The following SLIT3 variants were observed in gnomAD, a reference collection of about 807,000 sequenced individuals.
SLIT3 encodes slit homolog 3 protein.
A neutral mutation model predicts 184.0 loss-of-function variants in SLIT3; 68 were observed. The ratio of observed to expected loss-of-function variants is 0.37; its 90% CI spans 0.30 to 0.45. The LOEUF (loss-of-function observed/expected upper bound fraction) is 0.45. SLIT3 is among the 20% of genes least tolerant of loss of function. The pLI is 1.00. For synonymous variants in SLIT3, 831 were observed against 828.6 expected (o/e 1.00, Z -0.05); for missense variants, 1,707 against 2,026.0 (o/e 0.84, Z 3.02).
chr5:169,266,037 C>T (rs141956027), intron 1 of SLIT3, among the ~76,000 whole-genome samples: 3 of 152,292 alleles, frequency 2.0e-5, no homozygotes, highest in East Asian at 3.9e-4. Context: ...CTTAAGGCAA[C>T]GTATTCTTTT....
At chr5:169,172,817 T>C (rs1762858133) in intron 4 of SLIT3, among the ~76,000 whole-genome samples, 1 of 152,192 alleles carries the variant, frequency 6.6e-6, no homozygotes, top group African/African-American at 2.4e-5. Flanking sequence ...AAGTAGCTCA[T>C]AGCATGGTGG....
chr5:168,774,338 T>C lies in SLIT3; in HGVS notation c.1192A>G (p.Thr398Ala). 1 of 1,613,988 alleles carries C rather than the reference T, an allele frequency of 6.2e-7. No homozygotes were observed. Among genetic ancestry groups the C allele is most frequent in the South Asian group, 1.1e-5 (1 of 91,052 alleles). The change falls in exon 13 of 36, where the codon ACG becomes GCG. Residue 398 changes from threonine to alanine, a missense_variant. Thr to Ala is a moderately conservative substitution (Grantham distance 58). Transcript: ENST00000519560. Reference sequence around the variant, plus strand: ...TTGAGGTTCTGCAGGTCCTGAAACGTGTTCACCCGCAGGCAGTTGATCTTG... The same window carrying C: ...TTGAGGTTCTGCAGGTCCTGAAACGCGTTCACCCGCAGGCAGTTGATCTTG... ...ANKINCLRVNTFQDLQNLNLL... is the reference protein window; with the variant it reads ...ANKINCLRVNAFQDLQNLNLL...
At chr5:169,274,543 G>A (rs565693959) in intron 1 of SLIT3, among the ~76,000 whole-genome samples, 56 of 152,148 alleles carry the variant, frequency 3.7e-4, no homozygotes, top group Admixed American at 2.4e-3. Flanking sequence ...CAAGGGAGCC[G>A]TTCAGTACAT....
In SLIT3 at chr5:168,787,093, T is replaced by C. The variant is rs143730272; in HGVS notation, c.1080-1115A>G. Among the ~76,000 whole-genome samples the C allele has an allele frequency of 4.5e-3, 680 of 152,330 alleles. 2 individuals carry two copies. Among genetic ancestry groups the C allele is most frequent in the Non-Finnish European group, 7.1e-3 (482 of 68,030 alleles). On this transcript the variant is annotated intron_variant, in intron 11 of 35. Coordinates refer to ENST00000519560, the MANE Select transcript of SLIT3 (RefSeq NM_003062.4). ...GACGCCACTGGGAGTGAAGAGTGAA[T>C]GTCTCCATCAGCCTACGGGTGTGTT...
intron 4 of SLIT3, among the ~76,000 whole-genome samples, chr5:168,992,685 CCCCTGCCCCAGT>C (rs1221557781): frequency 1.3e-5 from 2 of 152,202 alleles, no homozygotes; most frequent in African/African-American, 2.4e-5. Context: ...GCCATCTGTC[CCCCTGCCCCAGT>C]CCCTGATGTG....
In SLIT3 at chr5:169,015,965, CACACACACACACACACACACAA is replaced by C. The variant is rs1406319622; in HGVS notation, c.414-132651_414-132630del. On this transcript the variant is annotated intron_variant, in intron 4 of 35. Transcript: ENST00000519560. Reference sequence around the variant, plus strand: ...ACACACACACACACACACACACACACACACACACACACACACACACAACTTTCTGTCTGCCCCCTTGCTCTTC... The same window carrying C: ...ACACACACACACACACACACACACACCTTTCTGTCTGCCCCCTTGCTCTTC... Among the ~76,000 whole-genome samples, 17 of 139,784 alleles carry C rather than the reference CACACACACACACACACACACAA, an allele frequency of 1.2e-4. 1 individual carries two copies. Among genetic ancestry groups the C allele is most frequent in the Admixed American group, 3.3e-4 (4 of 12,158 alleles). 91.7% of individuals were successfully genotyped at this position (139,784 alleles called of 152,430 possible).
rs187791565 is a variant in SLIT3 at position 168,907,184 on chromosome 5, C to T, written c.414-23848G>A. Among the ~76,000 whole-genome samples the T allele has an allele frequency of 2.0e-5, 3 of 152,246 alleles. No homozygotes were observed. In the East Asian group the frequency reaches 5.8e-4, roughly 29 times the overall value. On this transcript the variant is annotated intron_variant, in intron 4 of 35. Transcript: ENST00000519560. ...CTGGGATTTTTTTATACTTTCTCAC[C>T]AGTCTTTTAAGTCTCTGTGCTCCAC...
At chr5:169,280,689 T>C (rs1031047400) in intron 1 of SLIT3, among the ~76,000 whole-genome samples, 17 of 152,104 alleles carry the variant, frequency 1.1e-4, no homozygotes, top group African/African-American at 4.1e-4. Flanking sequence ...GGCTGGAGCA[T>C]CTCGGAATGC....
chr5:169,052,852 C>A (rs1388914811), intron 4 of SLIT3, among the ~76,000 whole-genome samples: 1 of 152,138 alleles, frequency 6.6e-6, no homozygotes, highest in Non-Finnish European at 1.5e-5. Flanking sequence ...TTCAATCGGC[C>A]TTTTCCTGGG....
chr5:168,719,842 G>A (rs901523266), intron 23 of SLIT3: 4 of 152,118 alleles, frequency 2.6e-5, no homozygotes, highest in African/African-American at 9.7e-5. Context: ...GTTGGACTGA[G>A]GTGCTCTAAG....
intron 1 of SLIT3, among the ~76,000 whole-genome samples, chr5:169,291,437 G>A (rs996932920): frequency 2.6e-5 from 4 of 152,192 alleles, no homozygotes; most frequent in African/African-American, 9.7e-5. Flanking sequence ...ACATCCCCAT[G>A]AGATAAAACT....
intron 4 of SLIT3, among the ~76,000 whole-genome samples, chr5:169,187,555 CTT>C (rs796812191): frequency 2.2e-5 from 2 of 89,080 alleles, no homozygotes; most frequent in East Asian, 2.9e-4. Context: ...TTCTTTCTTT[CTT>C]TCTTTTTTTT....
chr5:168,866,793 G>C (rs1423169125), intron 5 of SLIT3, among the ~76,000 whole-genome samples: 1 of 152,218 alleles, frequency 6.6e-6, no homozygotes, highest in Non-Finnish European at 1.5e-5. Context: ...CCACTGGGTT[G>C]TTACAGCAAT....
chr5:168,990,450 C>T (rs1001840365), intron 4 of SLIT3, among the ~76,000 whole-genome samples: 1 of 152,198 alleles, frequency 6.6e-6, no homozygotes, highest in Admixed American at 6.5e-5. Flanking sequence ...CTTCACCTCT[C>T]ACTCTACCTT....
intron 28 of SLIT3, among the ~76,000 whole-genome samples, chr5:168,695,410 A>G (rs1159344339): frequency 6.6e-6 from 1 of 152,190 alleles, no homozygotes; most frequent in African/African-American, 2.4e-5. Flanking sequence ...TAAAGCAGGA[A>G]TTTTTGGAAC....
intron 14 of SLIT3, among the ~76,000 whole-genome samples, chr5:168,763,353 G>T (rs1435067082): frequency 6.6e-6 from 1 of 152,076 alleles, no homozygotes; most frequent in Non-Finnish European, 1.5e-5. Flanking sequence ...TTGGCTCAGG[G>T]TTGCCTGATG....
intron 4 of SLIT3, among the ~76,000 whole-genome samples, chr5:169,002,117 CA>C (rs1755723895): frequency 6.6e-6 from 1 of 151,776 alleles, no homozygotes; most frequent in Non-Finnish European, 1.5e-5. Context: ...AGTTCGGGAA[CA>C]GCCTGGTGAA....
intron 12 of SLIT3, among the ~76,000 whole-genome samples, chr5:168,780,696 T>G (rs1185439707): frequency 6.6e-6 from 1 of 152,214 alleles, no homozygotes; most frequent in African/African-American, 2.4e-5. Flanking sequence ...CCTTCCGCAT[T>G]AATATGCCTT....
intron 4 of SLIT3, among the ~76,000 whole-genome samples, chr5:168,890,609 G>A (rs1760418875): frequency 6.6e-6 from 1 of 152,134 alleles, no homozygotes; most frequent in Admixed American, 6.5e-5. Flanking sequence ...TTATCTTTGA[G>A]AGATACATAC....
Sources: allele counts gnomAD v4.1 joint callset (sites outside exome capture counted in the v4.1 genomes callset), GRCh38; gene constraint gnomAD v4.1.1; transcripts MANE v1.5; gene names NCBI Gene and HGNC (gene_info 2026-07-23, HGNC 2026-07-21).